The following ZC3H11A variants were observed in gnomAD, a reference collection of about 807,000 sequenced individuals.
The protein encoded by ZC3H11A is zinc finger CCCH domain-containing protein 11A.
A neutral mutation model predicts 90.8 loss-of-function variants in ZC3H11A; 22 were observed. That is an observed-to-expected ratio of 0.24 (90% confidence interval 0.17 to 0.35). The LOEUF (loss-of-function observed/expected upper bound fraction) is 0.35, where lower values mean the gene tolerates loss of function less well. Among genes scored for constraint, ZC3H11A ranks in the 10% least tolerant of loss-of-function variants. The pLI, the probability that ZC3H11A is intolerant of heterozygous loss-of-function variation, is 1.00. For missense variants in ZC3H11A, 701 were observed against 964.9 expected, an observed-to-expected ratio of 0.73 and a Z score of 3.62; for synonymous variants, 294 against 339.8, an observed-to-expected ratio of 0.87 and a Z score of 1.48.
chr1:203,832,970 A>G (rs903187615), intron 9 of ZC3H11A, among the ~76,000 whole-genome samples: 3 of 152,326 alleles, frequency 2.0e-5, no homozygotes, highest in Middle Eastern at 3.4e-3. Flanking sequence ...GCAGTGGCTT[A>G]CATGTATAAT....
intron 2 of ZC3H11A, among the ~76,000 whole-genome samples, chr1:203,811,812 T>C (rs1674580744): frequency 6.6e-6 from 1 of 151,796 alleles, no homozygotes; most frequent in African/African-American, 2.4e-5. Context: ...TCAGATAGCT[T>C]TGTCTTTTTC....
chr1:203,823,304 C>G (rs1679386737), intron 4 of ZC3H11A, among the ~76,000 whole-genome samples: 1 of 152,032 alleles, frequency 6.6e-6, no homozygotes, highest in Non-Finnish European at 1.5e-5. Flanking sequence ...TATGCCCACT[C>G]CCTTTAGGGG....
At chr1:203,836,241 A>G (rs1684283158) in intron 10 of ZC3H11A, among the ~76,000 whole-genome samples, 1 of 152,212 alleles carries the variant, frequency 6.6e-6, no homozygotes, top group Admixed American at 6.5e-5. Flanking sequence ...AAAAGTTCTT[A>G]AAATATAGAA....
intron 12 of ZC3H11A, among the ~76,000 whole-genome samples, chr1:203,844,904 A>G (rs1199884542): frequency 6.6e-6 from 1 of 152,006 alleles, no homozygotes; most frequent in Non-Finnish European, 1.5e-5. Context: ...CAGCCCCAAC[A>G]TCTTCATAAT....
intron 12 of ZC3H11A, among the ~76,000 whole-genome samples, chr1:203,843,655 C>G (rs1687097590): frequency 1.3e-5 from 2 of 152,168 alleles, no homozygotes; most frequent in South Asian, 4.1e-4. Context: ...CTGGTGTGTT[C>G]TAGCAAAACT....
chr1:203,833,874 ATCTTT>A (rs1309069170), intron 10 of ZC3H11A, 21 bp downstream of exon 10: 7 of 1,598,914 alleles, frequency 4.4e-6, no homozygotes, highest in Non-Finnish European at 5.1e-6. Context: ...TTTTGTGTAT[ATCTTT>A]TCTTTTCTAC....
Position 203,833,846 on chromosome 1 carries a change from T to C in ZC3H11A, c.867T>C (p.Phe289=). 1 of 1,610,238 alleles carries C rather than the reference T, an allele frequency of 6.2e-7. No homozygotes were observed. The highest frequency in any genetic ancestry group is 2.2e-5 in the East Asian group (1 of 44,664). Residue 289 remains phenylalanine (F), a synonymous_variant, in exon 10 of 18, where the codon TTT becomes TTC. Transcript: ENST00000367210. ...SLTERLGKRK[F]SAGGDSDPPL... ...CTGAGAGACTGGGGAAACGAAAATT[T>C]TCAGCAGGTAAGATAAGTTTTGTGT... is the stretch of plus-strand genomic sequence containing the variant.
intron 3 of ZC3H11A, 130 bp downstream of exon 3, chr1:203,817,254 GT>G (rs1676658972): frequency 4.7e-6 from 3 of 633,034 alleles, no homozygotes; most frequent in Non-Finnish European, 7.7e-6. Context: ...TTGGCTGTCA[GT>G]TTTTTAAAGG....
chr1:203,806,683 CT>C (rs559216171), intron 2 of ZC3H11A, among the ~76,000 whole-genome samples: 11 of 152,102 alleles, frequency 7.2e-5, no homozygotes, highest in Non-Finnish European at 1.5e-4. Context: ...AATGGGTGTC[CT>C]TTTTTCGCTT....
At chr1:203,800,096 C>T in intron 1 of ZC3H11A, 1 of 1,536,110 alleles carries the variant, frequency 6.5e-7, no homozygotes, top group South Asian at 1.2e-5. Context: ...GCAAAAGCTT[C>T]ATGTTCCCTT....
intron 4 of ZC3H11A, among the ~76,000 whole-genome samples, chr1:203,819,013 G>A (rs1334054590): frequency 6.6e-6 from 1 of 150,776 alleles, no homozygotes; most frequent in East Asian, 2.0e-4. Flanking sequence ...AGGTTGCAGT[G>A]AGCTGAGATC....
At chr1:203,850,819 G>C (rs1205678376) in intron 16 of ZC3H11A, 138 bp downstream of exon 16, 3 of 1,284,898 alleles carry the variant, frequency 2.3e-6, no homozygotes, top group Non-Finnish European at 3.2e-6. Flanking sequence ...GGTTACTACT[G>C]TATTTTATAC....
chr1:203,798,779 G>A, intron 1 of ZC3H11A: 1 of 1,536,124 alleles, frequency 6.5e-7, no homozygotes, highest in Non-Finnish European at 8.7e-7. Flanking sequence ...AAATGATTGT[G>A]GAGGATATGC....
intron 9 of ZC3H11A, among the ~76,000 whole-genome samples, chr1:203,833,090 C>T (rs961673724): frequency 2.0e-5 from 3 of 152,014 alleles, no homozygotes; most frequent in African/African-American, 7.3e-5. Flanking sequence ...AAAAATTAGG[C>T]TGGGTGTGGT....
chr1:203,843,372 G>C (rs1481886550), intron 12 of ZC3H11A, among the ~76,000 whole-genome samples: 1 of 151,932 alleles, frequency 6.6e-6, no homozygotes, highest in African/African-American at 2.4e-5. Flanking sequence ...ATTTCTTTTT[G>C]TTTTCTCCTT....
rs757046949 is a variant in ZC3H11A at position 203,830,221 on chromosome 1, GGCATGGATAGTTGTATGTT to G, written c.700+21_700+39del. Reference sequence around the variant, plus strand: ...GCAAGGTGGTAAGTCATCACGTTTTGGCATGGATAGTTGTATGTTGCTAGGGAAGAATACTAAGGACGCT... The same window carrying G: ...GCAAGGTGGTAAGTCATCACGTTTTGGCTAGGGAAGAATACTAAGGACGCT... On this transcript the variant is annotated intron_variant, in intron 8 of 17. Transcript: ENST00000367210. The G allele has an allele frequency of 1.3e-6, 2 of 1,571,692 alleles. No individual in the cohort carries two copies. Among genetic ancestry groups the G allele is most frequent in the East Asian group, 4.5e-5 (2 of 44,704 alleles).
intron 4 of ZC3H11A, among the ~76,000 whole-genome samples, chr1:203,821,439 CCGAT>C: frequency 6.6e-6 from 1 of 152,182 alleles, no homozygotes; most frequent in South Asian, 2.1e-4. Context: ...CTTTTATGCT[CCGAT>C]TGACCCAGAT....
At position 203,853,255 on chromosome 1, in the gene ZC3H11A, C is replaced by G. The variant is rs4019813; in HGVS notation, c.*856C>G. On this transcript the variant is annotated 3_prime_UTR_variant, in exon 18 of 18. Coordinates refer to ENST00000367210, the MANE Select transcript of ZC3H11A (RefSeq NM_001376342.1). Reference sequence around the variant, plus strand: ...AATTTGGTTAATTTTTTATTTCTAACTCTCCCAACAAACCCCTGTTGCCCA... The same window carrying G: ...AATTTGGTTAATTTTTTATTTCTAAGTCTCCCAACAAACCCCTGTTGCCCA... The G allele has an allele frequency of 1.3e-5, 2 of 152,642 alleles. No homozygotes were observed. The highest frequency in any genetic ancestry group is 2.9e-5 in the Non-Finnish European group (2 of 68,054). 9.5% of individuals were successfully genotyped at this position (152,642 alleles called of 1,614,324 possible). A position where few individuals can be genotyped will look rare whatever the true frequency, so the allele number is the denominator to read the frequency against.
chr1:203,830,903 T>G (rs1466545342), intron 8 of ZC3H11A, among the ~76,000 whole-genome samples: 1 of 151,294 alleles, frequency 6.6e-6, no homozygotes, highest in Non-Finnish European at 1.5e-5. Flanking sequence ...TCAGCCTGAT[T>G]GCTCTGTATT....
Sources: allele counts gnomAD v4.1 joint callset (sites outside exome capture counted in the v4.1 genomes callset), GRCh38; gene constraint gnomAD v4.1.1; transcripts MANE v1.5; gene names NCBI Gene and HGNC (gene_info 2026-07-23, HGNC 2026-07-21).